The following TMEM65 variants were observed in gnomAD, a reference collection of about 807,000 sequenced individuals.
TMEM65 encodes the protein transmembrane protein 65.
In TMEM65, 22 loss-of-function variants were observed where a neutral mutation model predicts 25.4. The observed-to-expected ratio is 0.86, with a 90% CI of 0.62 to 1.23. TMEM65 has a LOEUF of 1.23. TMEM65 is among the 50% of genes most tolerant of loss of function. TMEM65 has a pLI of 0.00. For missense variants in TMEM65, 262 were observed against 308.2 expected, an observed-to-expected ratio of 0.85 and a Z score of 1.12; for synonymous variants, 132 against 126.2, an observed-to-expected ratio of 1.05 and a Z score of -0.31.
chr8:124,340,174 G>A (rs1459593512), intron 1 of TMEM65, among the ~76,000 whole-genome samples: 1 of 152,104 alleles, frequency 6.6e-6, no homozygotes, highest in Non-Finnish European at 1.5e-5. Flanking sequence ...AAAACAATTT[G>A]GATCCATGTA....
At chr8:124,362,886 AAG>A (rs1199423501) in intron 1 of TMEM65, among the ~76,000 whole-genome samples, 1 of 152,182 alleles carries the variant, frequency 6.6e-6, no homozygotes, top group Non-Finnish European at 1.5e-5. Flanking sequence ...CAAAAAAAGA[AAG>A]AGGGGAGAGG....
chr8:124,371,150 T>C (rs1282017884), intron 1 of TMEM65, among the ~76,000 whole-genome samples: 1 of 152,264 alleles, frequency 6.6e-6, no homozygotes, highest in Non-Finnish European at 1.5e-5. Context: ...TGACTTTTAC[T>C]ACAGAGCCAC....
chr8:124,351,213 A>G (rs568371622), intron 1 of TMEM65: 2 of 685,256 alleles, frequency 2.9e-6, no homozygotes, highest in East Asian at 1.3e-4. Context: ...GAAGTGCCAC[A>G]TGCTAGTATA....
intron 1 of TMEM65, among the ~76,000 whole-genome samples, chr8:124,342,143 T>C (rs1276345319): frequency 6.6e-6 from 1 of 152,124 alleles, no homozygotes; most frequent in Non-Finnish European, 1.5e-5. Context: ...CCCTGTCAAC[T>C]GTATCATCAC....
intron 1 of TMEM65, among the ~76,000 whole-genome samples, chr8:124,364,684 G>C (rs1370450976): frequency 3.9e-5 from 6 of 152,110 alleles, no homozygotes; most frequent in Admixed American, 3.9e-4. Context: ...GTTACCTACA[G>C]TCTTTTATCT....
chr8:124,341,808 T>G (rs1814585981), intron 1 of TMEM65, among the ~76,000 whole-genome samples: 1 of 151,988 alleles, frequency 6.6e-6, no homozygotes, highest in Non-Finnish European at 1.5e-5. Context: ...TTTCCCAAAC[T>G]TAGATTCTTA....
chr8:124,353,941 G>C (rs1407842900), intron 1 of TMEM65, among the ~76,000 whole-genome samples: 1 of 152,184 alleles, frequency 6.6e-6, no homozygotes, highest in East Asian at 1.9e-4. Flanking sequence ...GCATAAGTCA[G>C]ATAGATACCA....
chr8:124,328,402 T>TAA (rs11355050), intron 2 of TMEM65, among the ~76,000 whole-genome samples: 4 of 141,242 alleles, frequency 2.8e-5, no homozygotes, highest in African/African-American at 1.0e-4. Context: ...GACTCCATCT[T>TAA]AAAAAAAAAA....
chr8:124,333,470 C>CCTGTGT (rs1554589073), intron 1 of TMEM65, among the ~76,000 whole-genome samples: 1 of 149,138 alleles, frequency 6.7e-6, no homozygotes, highest in Admixed American at 6.7e-5. Context: ...TGTGTGTGTG[C>CCTGTGT]GTGTGTGTGT....
intron 1 of TMEM65, among the ~76,000 whole-genome samples, chr8:124,365,104 T>C (rs1814920286): frequency 6.6e-6 from 1 of 152,222 alleles, no homozygotes. Context: ...TTGCTGACTT[T>C]ATATTACTTC....
At chr8:124,359,100 G>C (rs1359268091) in intron 1 of TMEM65, among the ~76,000 whole-genome samples, 1 of 152,202 alleles carries the variant, frequency 6.6e-6, no homozygotes, top group Admixed American at 6.5e-5. Flanking sequence ...GGGGATGCAA[G>C]CTTTGGCTTT....
chr8:124,348,621 C>A (rs1814670368), intron 1 of TMEM65, among the ~76,000 whole-genome samples: 3 of 152,132 alleles, frequency 2.0e-5, no homozygotes. Flanking sequence ...AATAATTTAT[C>A]TTGGAACATC....
chr8:124,342,827 T>TA lies in TMEM65; in HGVS notation c.305-12036dup, dbSNP rs778664001. Reference sequence around the variant, plus strand: ...CAAACCCATAATTCTGGTAAGATAATAAAAAACCTCAGGTAATACATTTCT... The same window carrying TA: ...CAAACCCATAATTCTGGTAAGATAATAAAAAAACCTCAGGTAATACATTTCT... On this transcript the variant is annotated intron_variant, in intron 1 of 6. Transcript: ENST00000297632. 3.9e-5 allele frequency among the ~76,000 whole-genome samples: 6 copies of TA among 152,236 alleles called. No homozygotes were observed. In the South Asian group the frequency reaches 1.0e-3, roughly 26 times the overall value.
At chr8:124,367,918 A>G (rs919061315) in intron 1 of TMEM65, among the ~76,000 whole-genome samples, 2 of 152,254 alleles carry the variant, frequency 1.3e-5, no homozygotes, top group Admixed American at 6.5e-5. Flanking sequence ...ACCTCAATAC[A>G]TCTTTTATTT....
chr8:124,307,320 T>A lies in TMEM65; in HGVS notation c.*6640A>T, dbSNP rs984165015. ...AGGGACCCATATGAAGTCCCGCTAG[T>A]GACGCTGGAAGTGCTCCCAAGGAGC... On this transcript the variant is annotated 3_prime_UTR_variant, in exon 7 of 7. Transcript: ENST00000297632. The A allele has an allele frequency of 6.6e-6, 1 of 152,180 alleles. No homozygotes were observed. 9.4% of individuals were successfully genotyped at this position (152,180 alleles called of 1,614,324 possible). A position where few individuals can be genotyped will look rare whatever the true frequency, so the allele number is the denominator to read the frequency against.
chr8:124,342,798 T>C (rs969066866), intron 1 of TMEM65, among the ~76,000 whole-genome samples: 57 of 152,122 alleles, frequency 3.7e-4, no homozygotes, highest in Non-Finnish European at 5.9e-5. Context: ...AATGTTTGGT[T>C]TGGCAAACCC....
intron 1 of TMEM65, among the ~76,000 whole-genome samples, chr8:124,368,071 T>A (rs748474139): frequency 1.4e-4 from 21 of 151,136 alleles, no homozygotes; most frequent in Non-Finnish European, 2.8e-4. Context: ...CTGTGTAAAC[T>A]CTCTGATGAG....
At chr8:124,371,461 T>C (rs919563273) in intron 1 of TMEM65, among the ~76,000 whole-genome samples, 1 of 152,224 alleles carries the variant, frequency 6.6e-6, no homozygotes, top group Non-Finnish European at 1.5e-5. Flanking sequence ...GCATGCCACC[T>C]GCACGGGTGC....
chr8:124,325,619 T>C (rs899292687), intron 3 of TMEM65, among the ~76,000 whole-genome samples: 3 of 151,954 alleles, frequency 2.0e-5, no homozygotes, highest in Admixed American at 6.6e-5. Context: ...TGGATTTCAA[T>C]AGAAACAGAA....
Sources: allele counts gnomAD v4.1 joint callset (sites outside exome capture counted in the v4.1 genomes callset), GRCh38; gene constraint gnomAD v4.1.1; transcripts MANE v1.5; gene names NCBI Gene and HGNC (gene_info 2026-07-23, HGNC 2026-07-21).